The following ARL15 variants were observed in gnomAD, a reference collection of about 807,000 sequenced individuals.
ARL15 encodes the protein ARF like GTPase 15.
A neutral mutation model predicts 25.2 loss-of-function variants in ARL15; 19 were observed. The observed-to-expected ratio is 0.75, with a 90% CI of 0.53 to 1.10. ARL15 has a LOEUF of 1.10. ARL15 is among the 50% of genes least tolerant of loss of function. ARL15 has a pLI of 0.00. For missense variants in ARL15, 220 were observed against 246.0 expected (o/e 0.89, Z 0.71); for synonymous variants, 94 against 86.8 (o/e 1.08, Z -0.46).
At chr5:54,181,671 T>C (rs1012937613) in intron 1 of ARL15, among the ~76,000 whole-genome samples, 13 of 152,206 alleles carry the variant, frequency 8.5e-5, no homozygotes, top group Admixed American at 7.2e-4. Context: ...CAGTCGCTCA[T>C]GCTGGTAATC....
At chr5:53,978,482 G>T (rs902298651) in intron 4 of ARL15, among the ~76,000 whole-genome samples, 1 of 151,760 alleles carries the variant, frequency 6.6e-6, no homozygotes, top group Non-Finnish European at 1.5e-5. Flanking sequence ...ATTTGTCACA[G>T]CAACTAAAAG....
At chr5:54,141,329 G>C (rs1753775334) in intron 3 of ARL15, among the ~76,000 whole-genome samples, 1 of 151,892 alleles carries the variant, frequency 6.6e-6, no homozygotes, top group Non-Finnish European at 1.5e-5. Context: ...CCTAGAAACT[G>C]ACGGTTTTCT....
chr5:54,102,673 T>G (rs745810930), intron 4 of ARL15, among the ~76,000 whole-genome samples: 18 of 152,154 alleles, frequency 1.2e-4, no homozygotes, highest in Non-Finnish European at 2.4e-4. Context: ...TCTCTAAGGA[T>G]TCCCCTGACA....
chr5:54,266,292 AC>A (rs1757623001), intron 1 of ARL15, among the ~76,000 whole-genome samples: 1 of 152,224 alleles, frequency 6.6e-6, no homozygotes, highest in African/African-American at 2.4e-5. Context: ...CCGTGGCTGT[AC>A]ATAATAGATG....
intron 4 of ARL15, among the ~76,000 whole-genome samples, chr5:54,019,528 T>C (rs952070326): frequency 1.3e-5 from 2 of 152,204 alleles, no homozygotes; most frequent in African/African-American, 4.8e-5. Context: ...TAATATCATA[T>C]TGAACGACAG....
intron 4 of ARL15, among the ~76,000 whole-genome samples, chr5:53,927,630 G>A (rs1746072433): frequency 6.6e-6 from 1 of 152,160 alleles, no homozygotes; most frequent in East Asian, 1.9e-4. Context: ...CTATGTATGT[G>A]TCTAGGACCA....
intron 4 of ARL15, among the ~76,000 whole-genome samples, chr5:54,040,699 TGAAG>T (rs1452873206): frequency 6.6e-6 from 1 of 152,180 alleles, no homozygotes; most frequent in East Asian, 1.9e-4. Context: ...TAACTACCTG[TGAAG>T]GAAGTAAAGT....
At chr5:54,289,487 C>T (rs564264423) in intron 1 of ARL15, among the ~76,000 whole-genome samples, 24 of 152,318 alleles carry the variant, frequency 1.6e-4, no homozygotes, top group South Asian at 1.0e-3. Context: ...AAGCTTTCAA[C>T]AGCTTTGCTT....
chr5:54,049,537 C>T (rs1317725869), intron 4 of ARL15, among the ~76,000 whole-genome samples: 1 of 152,060 alleles, frequency 6.6e-6, no homozygotes, highest in African/African-American at 2.4e-5. Context: ...TTATAAGCAA[C>T]TGGAAGCCAA....
intron 3 of ARL15, among the ~76,000 whole-genome samples, chr5:54,150,040 G>T (rs1411997180): frequency 6.6e-6 from 1 of 152,124 alleles, no homozygotes; most frequent in Non-Finnish European, 1.5e-5. Flanking sequence ...ATCTGTTCTA[G>T]GCCTATAAGA....
intron 1 of ARL15, among the ~76,000 whole-genome samples, chr5:54,200,302 A>T (rs933852156): frequency 5.3e-5 from 8 of 151,494 alleles, no homozygotes; most frequent in African/African-American, 7.3e-5. Context: ...AATAATAATT[A>T]AAAAAAGAGA....
intron 4 of ARL15, among the ~76,000 whole-genome samples, chr5:54,044,480 G>A (rs1750446986): frequency 1.3e-5 from 2 of 151,984 alleles, no homozygotes; most frequent in Admixed American, 1.3e-4. Context: ...CCTGACCTCA[G>A]GTGATCCACC....
intron 4 of ARL15, among the ~76,000 whole-genome samples, chr5:54,019,383 A>C (rs1749526144): frequency 6.6e-6 from 1 of 152,148 alleles, no homozygotes; most frequent in Non-Finnish European, 1.5e-5. Context: ...GGTCTACATT[A>C]TTATTTCGGA....
chr5:53,983,935 C>T (rs778440782), intron 4 of ARL15, among the ~76,000 whole-genome samples: 2 of 152,298 alleles, frequency 1.3e-5, no homozygotes, highest in Non-Finnish European at 2.9e-5. Flanking sequence ...CTCCCGCAGT[C>T]GTCTCCCCAA....
intron 3 of ARL15, among the ~76,000 whole-genome samples, chr5:54,114,156 T>C (rs1418966354): frequency 6.6e-6 from 1 of 152,008 alleles, no homozygotes. Context: ...TCAGTACTTT[T>C]GGAGGCCAAG....
chr5:54,104,902 A>T (rs150401156), intron 4 of ARL15, among the ~76,000 whole-genome samples: 55 of 152,184 alleles, frequency 3.6e-4, no homozygotes, highest in Admixed American at 4.6e-4. Flanking sequence ...CTCTTGCTCC[A>T]TTAAGAAAAA....
intron 1 of ARL15, among the ~76,000 whole-genome samples, chr5:54,282,962 TTTTCC>T (rs1216801908): frequency 3.9e-5 from 6 of 152,228 alleles, no homozygotes; most frequent in Non-Finnish European, 7.3e-5. Context: ...TACTGGTTTC[TTTTCC>T]TTTCTTTAGC....
chr5:54,200,590 C>A (rs1462515826), intron 1 of ARL15, among the ~76,000 whole-genome samples: 8 of 151,786 alleles, frequency 5.3e-5, no homozygotes, highest in Middle Eastern at 3.2e-3. Flanking sequence ...TAAAAAAAAA[C>A]CATCTCAAAA....
intron 1 of ARL15, among the ~76,000 whole-genome samples, chr5:54,278,764 T>A (rs975640533): frequency 5.3e-5 from 8 of 152,218 alleles, no homozygotes; most frequent in African/African-American, 1.9e-4. Flanking sequence ...TAAATAAGCA[T>A]CACTGCTTTT....
Sources: gnomAD v4.1 joint callset for allele counts (sites outside exome capture counted in the v4.1 genomes callset) on GRCh38, gnomAD v4.1.1 for gene constraint, MANE v1.5 for transcripts, NCBI Gene and HGNC (gene_info 2026-07-23, HGNC 2026-07-21) for gene names.